The following GSTCD variants were observed in gnomAD, a reference collection of about 807,000 sequenced individuals.
The protein encoded by GSTCD is glutathione S-transferase C-terminal domain containing.
GSTCD carries 44 observed loss-of-function variants against 68.3 expected under a neutral mutation model. That is an observed-to-expected ratio of 0.64 (90% CI 0.51 to 0.83). The LOEUF is 0.83. GSTCD is among the 40% of genes least tolerant of loss of function. The pLI is 0.00. For synonymous variants in GSTCD, 273 were observed against 255.2 expected (o/e 1.07, Z -0.67); for missense variants, 739 against 735.9 (o/e 1.00, Z -0.05).
intron 5 of GSTCD, among the ~76,000 whole-genome samples, chr4:105,748,004 C>A (rs1257719415): frequency 2.0e-5 from 3 of 152,070 alleles, no homozygotes; most frequent in African/African-American, 7.2e-5. Flanking sequence ...CATGTAATCC[C>A]AGCACTTTGG....
At chr4:105,823,835 T>C (rs1283486457) in intron 7 of GSTCD, 3 of 152,224 alleles carry the variant, frequency 2.0e-5, no homozygotes, top group Non-Finnish European at 4.4e-5. Context: ...TTTCACTCAA[T>C]ATTGTATCAT....
intron 1 of GSTCD, among the ~76,000 whole-genome samples, chr4:105,711,582 C>T (rs756459392): frequency 5.3e-5 from 8 of 152,124 alleles, no homozygotes; most frequent in Non-Finnish European, 7.4e-5. Flanking sequence ...ATAATAGTAG[C>T]TAGTATTTAT....
intron 5 of GSTCD, among the ~76,000 whole-genome samples, chr4:105,737,493 A>G (rs1173058391): frequency 1.3e-5 from 2 of 151,916 alleles, no homozygotes; most frequent in East Asian, 3.9e-4. Flanking sequence ...ATATAATTCT[A>G]TTTGTCTGTT....
In GSTCD at chr4:105,842,116, C is replaced by G. The variant is rs1288291204; in HGVS notation, c.1747C>G (p.Pro583Ala). The G allele has an allele frequency of 6.2e-7, 1 of 1,613,882 alleles. No homozygotes were observed. Among genetic ancestry groups the G allele is most frequent in the Non-Finnish European group, 8.5e-7 (1 of 1,179,776 alleles). ...AGACCAGACAGCTGTCCAGCTCCCA[C>G]CCCAACGAAGGCTCATAGGTATGTG... ...FADQTAVQLPPQRRLIGKQCM... is the reference protein window; with the variant it reads ...FADQTAVQLPAQRRLIGKQCM... The change falls in exon 11 of 12, where the codon CCC (proline) becomes GCC (alanine). Residue 583 changes from proline to alanine, a missense_variant. Coordinates refer to ENST00000515279, the MANE Select transcript of GSTCD (RefSeq NM_001370181.1).
intron 5 of GSTCD, among the ~76,000 whole-genome samples, chr4:105,740,258 T>C (rs1324456310): frequency 1.3e-5 from 2 of 151,828 alleles, no homozygotes; most frequent in East Asian, 3.9e-4. Context: ...CGATCAACAC[T>C]TTGAACAACT....
intron 5 of GSTCD, among the ~76,000 whole-genome samples, chr4:105,787,624 A>G (rs1735513441): frequency 1.3e-5 from 2 of 151,968 alleles, no homozygotes; most frequent in Non-Finnish European, 2.9e-5. Context: ...GAAAACTGGG[A>G]AACCGTTCTT....
intron 5 of GSTCD, among the ~76,000 whole-genome samples, chr4:105,786,089 A>G (rs1012640098): frequency 9.9e-5 from 15 of 152,234 alleles, no homozygotes; most frequent in Non-Finnish European, 1.8e-4. Context: ...ATGTAAAACT[A>G]TAAAACTCTT....
rs187446770 is a variant in GSTCD, at chr4:105,772,319, G to T, written c.1240+42820G>T. The stretch of plus-strand genomic sequence containing the variant: ...TGTCATCTGCAAACAGAGATAATTT[G>T]ACTTCCTCTCTTCCTATTTGAATAA... On this transcript the variant is annotated intron_variant, in intron 5 of 11. Coordinates refer to ENST00000515279, the MANE Select transcript of GSTCD (RefSeq NM_001370181.1). Among the ~76,000 whole-genome samples, 55 of 152,256 alleles carry T rather than the reference G, an allele frequency of 3.6e-4. 1 individual carries two copies. Among genetic ancestry groups the T allele is most frequent in the Admixed American group, 1.1e-3 (17 of 15,298 alleles).
intron 5 of GSTCD, among the ~76,000 whole-genome samples, chr4:105,792,003 T>C (rs1458986379): frequency 6.6e-6 from 1 of 152,150 alleles, no homozygotes; most frequent in African/African-American, 2.4e-5. Flanking sequence ...AATAATGTTT[T>C]ATGTCATTCT....
At chr4:105,759,625 A>G (rs192731483) in intron 5 of GSTCD, among the ~76,000 whole-genome samples, 1 of 152,326 alleles carries the variant, frequency 6.6e-6, no homozygotes, top group East Asian at 1.9e-4. Flanking sequence ...GAATACTGAA[A>G]TGAAATAATG....
intron 5 of GSTCD, among the ~76,000 whole-genome samples, chr4:105,808,601 A>G (rs1282362059): frequency 1.3e-5 from 2 of 152,102 alleles, no homozygotes. Flanking sequence ...TGCATACTGT[A>G]GCCCCTGGCT....
At chr4:105,811,341 A>G (rs1722740782) in intron 5 of GSTCD, among the ~76,000 whole-genome samples, 2 of 152,076 alleles carry the variant, frequency 1.3e-5, no homozygotes, top group African/African-American at 4.8e-5. Flanking sequence ...ATGACAAAGT[A>G]AACTGCATGT....
chr4:105,836,037 T>C (rs1724105181), intron 9 of GSTCD, among the ~76,000 whole-genome samples: 2 of 151,654 alleles, frequency 1.3e-5, no homozygotes, highest in Non-Finnish European at 2.9e-5. Flanking sequence ...TCATCTCATC[T>C]CATCTCTGCA....
At chr4:105,818,733 G>A (rs1167723579) in intron 5 of GSTCD, among the ~76,000 whole-genome samples, 2 of 151,602 alleles carry the variant, frequency 1.3e-5, no homozygotes, top group Non-Finnish European at 3.0e-5. Context: ...GTGCATCAGG[G>A]GTATAACAAG....
intron 5 of GSTCD, among the ~76,000 whole-genome samples, chr4:105,741,177 T>C (rs938193265): frequency 6.6e-6 from 1 of 152,148 alleles, no homozygotes; most frequent in African/African-American, 2.4e-5. Flanking sequence ...ATATTGCCTG[T>C]ATCTCACGGG....
chr4:105,790,690 T>C lies in GSTCD; in HGVS notation c.1241-32264T>C, dbSNP rs746948172. Among the ~76,000 whole-genome samples, 72 of 152,108 alleles carry C rather than the reference T, an allele frequency of 4.7e-4. 1 individual carries two copies. Among genetic ancestry groups the C allele is most frequent in the Middle Eastern group, 3.4e-3 (1 of 294 alleles). ...GCAGCAGTAGCACTGTGCTTGGATC[T>C]AGGAGTGCTTATTGCCATCAAATGT... is the stretch of plus-strand genomic sequence containing the variant. On this transcript the variant is annotated intron_variant, in intron 5 of 11. Coordinates refer to ENST00000515279, the MANE Select transcript of GSTCD (RefSeq NM_001370181.1).
intron 5 of GSTCD, among the ~76,000 whole-genome samples, chr4:105,743,650 A>G (rs1733708532): frequency 1.4e-5 from 2 of 137,932 alleles, no homozygotes; most frequent in African/African-American, 5.6e-5. Flanking sequence ...AAAACAGGAC[A>G]TTCTTTTTTT....
intron 5 of GSTCD, among the ~76,000 whole-genome samples, chr4:105,803,542 A>G (rs917932849): frequency 1.3e-5 from 2 of 152,070 alleles, no homozygotes; most frequent in African/African-American, 4.8e-5. Context: ...TTTTTTAAAG[A>G]AGGCTAGGAA....
intron 9 of GSTCD, among the ~76,000 whole-genome samples, chr4:105,835,930 G>A (rs1724099125): frequency 6.6e-6 from 1 of 152,174 alleles, no homozygotes; most frequent in Non-Finnish European, 1.5e-5. Flanking sequence ...CCCACAGAGG[G>A]TAGCTTCTCT....
Sources: allele counts gnomAD v4.1 joint callset (sites outside exome capture counted in the v4.1 genomes callset), GRCh38; gene constraint gnomAD v4.1.1; transcripts MANE v1.5; gene names NCBI Gene and HGNC (gene_info 2026-07-23, HGNC 2026-07-21).